Variants in FBXL13 observed in about 807,000 individuals in gnomAD.
FBXL13 encodes F-box and leucine rich repeat protein 13, also known as F-box and leucine-rich repeat protein 13.
FBXL13 carries 67 observed loss-of-function variants against 83.6 expected under a neutral mutation model. The ratio of observed to expected loss-of-function variants is 0.80; its 90% CI spans 0.66 to 0.98. The LOEUF is 0.98. FBXL13 is among the 50% of genes least tolerant of loss of function. The probability of loss-of-function intolerance (pLI) is 0.00; values close to 1 mark genes in which losing one functional copy is unlikely to be tolerated. For synonymous variants in FBXL13, 272 were observed against 299.5 expected (o/e 0.91, Z 0.95); for missense variants, 822 against 866.5 (o/e 0.95, Z 0.64).
At chr7:102,882,639 G>A (rs1018432691) in intron 14 of FBXL13, among the ~76,000 whole-genome samples, 8 of 152,142 alleles carry the variant, frequency 5.3e-5, no homozygotes, top group Non-Finnish European at 1.2e-4. Flanking sequence ...GCACACACCT[G>A]TAATCTCAGC....
chr7:103,014,395 G>C (rs1792008505), intron 6 of FBXL13, among the ~76,000 whole-genome samples: 1 of 151,922 alleles, frequency 6.6e-6, no homozygotes, highest in African/African-American at 2.4e-5. Context: ...CTACCAAACA[G>C]AAAAAGCCCA....
At chr7:102,987,830 A>G (rs186893116) in intron 6 of FBXL13, among the ~76,000 whole-genome samples, 6 of 152,314 alleles carry the variant, frequency 3.9e-5, no homozygotes, top group Non-Finnish European at 8.8e-5. Flanking sequence ...GAGTAGTCCC[A>G]TAAGAGAGGT....
chr7:102,886,605 T>C (rs1192846315), intron 11 of FBXL13, among the ~76,000 whole-genome samples: 1 of 152,208 alleles, frequency 6.6e-6, no homozygotes, highest in Non-Finnish European at 1.5e-5. Context: ...TTATGATTGA[T>C]TAGTTATTAA....
chr7:102,959,284 G>A (rs1023097307), intron 8 of FBXL13, among the ~76,000 whole-genome samples: 1 of 151,944 alleles, frequency 6.6e-6, no homozygotes, highest in African/African-American at 2.4e-5. Context: ...AAAATGTACA[G>A]ACACAGTTGA....
chr7:103,069,866 CAGG>C (rs1798764241), intron 1 of FBXL13, among the ~76,000 whole-genome samples: 1 of 152,150 alleles, frequency 6.6e-6, no homozygotes, highest in Non-Finnish European at 1.5e-5. Context: ...ATCATGAGGT[CAGG>C]AGATCGAGAC....
At chr7:103,039,369 C>G (rs1290899871) in intron 2 of FBXL13, among the ~76,000 whole-genome samples, 1 of 152,164 alleles carries the variant, frequency 6.6e-6, no homozygotes, top group Non-Finnish European at 1.5e-5. Flanking sequence ...TGGAAAGTGA[C>G]AGGGAGAATG....
chr7:102,929,670 A>AT (rs1053118868), intron 9 of FBXL13, among the ~76,000 whole-genome samples: 1 of 151,274 alleles, frequency 6.6e-6, no homozygotes, highest in African/African-American at 2.4e-5. Context: ...TCTCAAAAAA[A>AT]AAAAAAAAAA....
intron 8 of FBXL13, among the ~76,000 whole-genome samples, chr7:102,962,534 A>G (rs1825397015): frequency 6.6e-6 from 1 of 152,162 alleles, no homozygotes; most frequent in Non-Finnish European, 1.5e-5. Flanking sequence ...ACATGCACGC[A>G]TATGTTTATT....
intron 6 of FBXL13, among the ~76,000 whole-genome samples, chr7:103,007,830 G>C (rs1262338642): frequency 1.3e-5 from 2 of 152,140 alleles, no homozygotes; most frequent in Non-Finnish European, 2.9e-5. Flanking sequence ...GAGCTGAAGT[G>C]GCCCAGGGCA....
rs865850035 is a variant in FBXL13, at chr7:102,913,929, A to C, written c.879-714T>G. ...AATCTCGCTGGAGTTGAAACAGATTAAATATGGTATTACCACAATGACCAA... is the reference window on the plus strand; with the variant it reads ...AATCTCGCTGGAGTTGAAACAGATTCAATATGGTATTACCACAATGACCAA... On this transcript the variant is annotated intron_variant, in intron 10 of 19. Coordinates refer to ENST00000313221, the Ensembl canonical transcript of FBXL13. Among the ~76,000 whole-genome samples the C allele has an allele frequency of 7.2e-5, 11 of 152,360 alleles. No individual in the cohort carries two copies. In the South Asian group the frequency reaches 1.2e-3, roughly 17 times the overall value.
At chr7:102,867,599 C>T (rs1303060026) in intron 16 of FBXL13, among the ~76,000 whole-genome samples, 2 of 147,568 alleles carry the variant, frequency 1.4e-5, no homozygotes, top group Non-Finnish European at 3.0e-5. Flanking sequence ...CTTGGTCCAC[C>T]AGCCCATTGA....
chr7:102,950,268 A>G (rs1214764058), intron 8 of FBXL13, among the ~76,000 whole-genome samples: 1 of 152,202 alleles, frequency 6.6e-6, no homozygotes, highest in Admixed American at 6.5e-5. Context: ...CAGCAATGAG[A>G]TACCCCCACA....
chr7:102,969,348 G>A (rs1053570441), intron 6 of FBXL13, among the ~76,000 whole-genome samples: 5 of 152,138 alleles, frequency 3.3e-5, no homozygotes, highest in African/African-American at 4.8e-5. Context: ...TACAACCCAA[G>A]TGTGTACTGG....
chr7:102,931,768 C>G, intron 9 of FBXL13, 113 bp downstream of exon 10: 1 of 975,520 alleles, frequency 1.0e-6, no homozygotes, highest in Non-Finnish European at 1.5e-6. Context: ...ATAGTTTGCT[C>G]TTTTCCACAT....
At chr7:102,995,478 C>CAAAAAAAAAAAAA (rs1158263069) in intron 6 of FBXL13, among the ~76,000 whole-genome samples, 1 of 28,602 alleles carries the variant, frequency 3.5e-5, no homozygotes, top group African/African-American at 1.6e-4. Flanking sequence ...GACTCCATCT[C>CAAAAAAAAAAAAA]AAAAAAAAAA....
downstream of FBXL13, among the ~76,000 whole-genome samples, chr7:102,812,092 TAGAA>T (rs1416888460): frequency 2.9e-4 from 44 of 152,248 alleles, no homozygotes; most frequent in African/African-American, 5.3e-4. Context: ...ATTGAGGAAA[TAGAA>T]AGGTTAAAAG....
At chr7:102,892,685 C>T (rs556323954) in intron 11 of FBXL13, among the ~76,000 whole-genome samples, 27 of 152,170 alleles carry the variant, frequency 1.8e-4, no homozygotes, top group African/African-American at 5.1e-4. Context: ...TTTTTTTAAC[C>T]ATATGTAGTA....
intron 1 of FBXL13, among the ~76,000 whole-genome samples, chr7:103,058,825 A>G (rs1006855650): frequency 2.0e-5 from 3 of 152,232 alleles, no homozygotes; most frequent in Non-Finnish European, 4.4e-5. Context: ...GATTATATAT[A>G]TATTTCCAAG....
At chr7:103,034,344 G>T (rs895248955) in intron 2 of FBXL13, among the ~76,000 whole-genome samples, 3 of 152,196 alleles carry the variant, frequency 2.0e-5, no homozygotes, top group African/African-American at 7.2e-5. Flanking sequence ...TGGACGGTGT[G>T]GGGGAGGCTC....
Sources: allele counts gnomAD v4.1 joint callset (sites outside exome capture counted in the v4.1 genomes callset), GRCh38; gene constraint gnomAD v4.1.1; transcripts MANE v1.5; gene names NCBI Gene and HGNC (gene_info 2026-07-23, HGNC 2026-07-21).